Variants in ERCC6L2 observed in about 807,000 individuals in gnomAD.
ERCC6L2 encodes the protein ERCC excision repair 6 like 2, also known as DNA excision repair protein ERCC-6-like 2.
ERCC6L2 carries 77 observed loss-of-function variants against 132.0 expected under a neutral mutation model. That is an observed-to-expected ratio of 0.58 (90% CI 0.49 to 0.71). The LOEUF is 0.71. Among genes scored for constraint, ERCC6L2 ranks in the 30% least tolerant of loss-of-function variants. The pLI is 0.00. For missense variants in ERCC6L2, 1,542 were observed against 1,837.6 expected, an observed-to-expected ratio of 0.84 and a Z score of 2.94; for synonymous variants, 583 against 632.4, an observed-to-expected ratio of 0.92 and a Z score of 1.17.
chr9:95,957,646 G>C (rs2132998025), intron 13 of ERCC6L2, among the ~76,000 whole-genome samples: 1 of 151,672 alleles, frequency 6.6e-6, no homozygotes, highest in Admixed American at 6.6e-5. Context: ...GAAATGTCTT[G>C]TTATAAAATA....
At chr9:95,891,807 A>G (rs1564198013) in intron 2 of ERCC6L2, among the ~76,000 whole-genome samples, 6 of 152,164 alleles carry the variant, frequency 3.9e-5, no homozygotes. Context: ...ATGATGTTGA[A>G]CATATTTTCA....
At chr9:95,985,749 C>T (rs1833072183) in intron 17 of ERCC6L2, among the ~76,000 whole-genome samples, 3 of 152,228 alleles carry the variant, frequency 2.0e-5, no homozygotes, top group South Asian at 2.1e-4. Flanking sequence ...GTGTGCTTTT[C>T]TAGTCTCATT....
At position 96,004,448 on chromosome 9, in the gene ERCC6L2, A is replaced by G. The variant is rs7860193; in HGVS notation, c.3493-72A>G. 0.013 allele frequency: 10,470 copies of G among 833,746 alleles called. 845 individuals carry two copies. In the African/African-American group the frequency reaches 0.17, roughly 14 times the overall value. 51.6% of individuals were successfully genotyped at this position (833,746 alleles called of 1,614,324 possible). On this transcript the variant is annotated intron_variant, in intron 17 of 18. Transcript: ENST00000653738. ...TTATAAAGAGTATTGAGAAAAAGTAAGACATTCTCATTATTTGACCAACAA... is the reference window on the plus strand; with the variant it reads ...TTATAAAGAGTATTGAGAAAAAGTAGGACATTCTCATTATTTGACCAACAA...
chr9:95,983,981 T>C (rs1315185924), intron 17 of ERCC6L2, among the ~76,000 whole-genome samples: 1 of 151,996 alleles, frequency 6.6e-6, no homozygotes, highest in Non-Finnish European at 1.5e-5. Context: ...GACAAACCAG[T>C]CTTTTAATTT....
chr9:95,975,234 G>A (rs1310090293), intron 16 of ERCC6L2, among the ~76,000 whole-genome samples: 1 of 152,096 alleles, frequency 6.6e-6, no homozygotes, highest in African/African-American at 2.4e-5. Context: ...CTCCCCATCA[G>A]TCCTTAATGT....
chr9:95,896,407 GATTTTTT>G (rs1564201805), intron 2 of ERCC6L2, among the ~76,000 whole-genome samples: 1,777 of 107,660 alleles, frequency 0.017, 48 homozygotes, highest in African/African-American at 0.052. Context: ...TTTGTTTTTT[GATTTTTT>G]TTTTTTGATT....
At chr9:95,904,380 T>C (rs1003222569) in intron 3 of ERCC6L2, among the ~76,000 whole-genome samples, 1 of 152,144 alleles carries the variant, frequency 6.6e-6, no homozygotes, top group South Asian at 2.1e-4. Context: ...TACCTTCTAT[T>C]TTCTAGGTAC....
chr9:95,984,383 TTTC>T (rs1259000560), intron 17 of ERCC6L2, among the ~76,000 whole-genome samples: 2 of 151,550 alleles, frequency 1.3e-5, no homozygotes, highest in South Asian at 2.1e-4. Flanking sequence ...TTTTTACTTT[TTTC>T]TTCTTAAGCT....
At chr9:95,955,141 C>G (rs1455311499) in intron 12 of ERCC6L2, among the ~76,000 whole-genome samples, 1 of 152,160 alleles carries the variant, frequency 6.6e-6, no homozygotes, top group Non-Finnish European at 1.5e-5. Context: ...AGTTAAACCA[C>G]TGTGATGAAT....
At chr9:95,905,384 A>T (rs1019604598) in intron 3 of ERCC6L2, among the ~76,000 whole-genome samples, 5 of 152,170 alleles carry the variant, frequency 3.3e-5, no homozygotes, top group African/African-American at 1.2e-4. Context: ...TTGCCACCTT[A>T]ATTTTTAAAC....
rs1451444616 is a variant in ERCC6L2, at chr9:95,972,031, A to G, written c.2280A>G (p.Glu760=). The part of the protein sequence containing the change: ...ACDLCSDFSD[E]EPVGATGIKT... ...ATCTCTGCAGTGACTTCAGTGATGA[A>G]GAGCCAGTGGGAGCCACAGGAATAA... Residue 760 remains glutamate, a synonymous_variant, in exon 16 of 19, where the codon GAA becomes GAG. Coordinates refer to ENST00000653738, the MANE Select transcript of ERCC6L2 (RefSeq NM_020207.7). 7.7e-7 allele frequency: 1 copy of G among 1,304,176 alleles called. No individual in the cohort carries two copies. Among genetic ancestry groups the G allele is most frequent in the East Asian group, 5.5e-5 (1 of 18,044 alleles). 80.8% of individuals were successfully genotyped at this position (1,304,176 alleles called of 1,614,324 possible). A position where few individuals can be genotyped will look rare whatever the true frequency, so the allele number is the denominator to read the frequency against.
chr9:95,989,035 G>T (rs562116716), intron 17 of ERCC6L2, among the ~76,000 whole-genome samples: 1 of 152,272 alleles, frequency 6.6e-6, no homozygotes, highest in East Asian at 1.9e-4. Context: ...GAAGAGCTGC[G>T]CAGGGTAAGG....
chr9:96,039,306 G>A (rs1472563263), intron 20 of ERCC6L2, among the ~76,000 whole-genome samples: 1 of 152,214 alleles, frequency 6.6e-6, no homozygotes, highest in Non-Finnish European at 1.5e-5. Flanking sequence ...CCATGTGGTG[G>A]AGTGATTAGT....
intron 6 of ERCC6L2, chr9:95,918,259 G>C (rs1829695465): frequency 2.3e-6 from 1 of 435,544 alleles, no homozygotes; most frequent in Non-Finnish European, 4.6e-6. Flanking sequence ...GGCTGGAAAA[G>C]ACCCACTACA....
At chr9:96,010,587 C>T (rs1371348675) in intron 18 of ERCC6L2, among the ~76,000 whole-genome samples, 2 of 152,306 alleles carry the variant, frequency 1.3e-5, no homozygotes, top group East Asian at 1.9e-4. Flanking sequence ...CATGCACCCT[C>T]TCCCCCTGGG....
intron 8 of ERCC6L2, 83 bp from the exon 9 acceptor site, chr9:95,923,177 A>T (rs1829951474): frequency 2.0e-6 from 3 of 1,480,860 alleles, no homozygotes; most frequent in Non-Finnish European, 2.7e-6. Context: ...TCTAAAAAGA[A>T]TTTTTTTCAT....
At chr9:95,957,457 T>C (rs1213483616) in intron 13 of ERCC6L2, among the ~76,000 whole-genome samples, 1 of 152,050 alleles carries the variant, frequency 6.6e-6, no homozygotes, top group Non-Finnish European at 1.5e-5. Context: ...AATTATTTTT[T>C]TCTAACCTAT....
intron 17 of ERCC6L2, among the ~76,000 whole-genome samples, chr9:96,004,117 T>G (rs1588046908): frequency 6.6e-6 from 1 of 152,364 alleles, no homozygotes; most frequent in Admixed American, 6.5e-5. Flanking sequence ...CATGTCTCCA[T>G]TAATGAAATT....
intron 12 of ERCC6L2, among the ~76,000 whole-genome samples, chr9:95,948,907 A>G (rs895864028): frequency 6.6e-6 from 1 of 152,174 alleles, no homozygotes; most frequent in Admixed American, 6.5e-5. Flanking sequence ...CATTGGAGCT[A>G]CTAGACAAAG....
Sources: allele counts gnomAD v4.1 joint callset (sites outside exome capture counted in the v4.1 genomes callset), GRCh38; gene constraint gnomAD v4.1.1; transcripts MANE v1.5; gene names NCBI Gene and HGNC (gene_info 2026-07-23, HGNC 2026-07-21).